The following JPH4 variants were observed in gnomAD, a reference collection of about 807,000 sequenced individuals.
JPH4 encodes junctophilin 4, also known as junctophilin-4.
A neutral mutation model predicts 57.6 loss-of-function variants in JPH4; 18 were observed. The ratio of observed to expected loss-of-function variants is 0.31; its 90% CI spans 0.22 to 0.46. The LOEUF is 0.46. JPH4 is among the 20% of genes least tolerant of loss of function. JPH4 has a pLI of 1.00. For missense variants in JPH4, 727 were observed against 911.1 expected (o/e 0.80, Z 2.60); for synonymous variants, 425 against 406.6 (o/e 1.05, Z -0.54).
At position 23,568,047 on chromosome 14, in the gene JPH4, CT is replaced by C; in HGVS notation, c.*1586del. On this transcript the variant is annotated 3_prime_UTR_variant, in exon 6 of 6. Coordinates refer to ENST00000356300, the MANE Select transcript of JPH4 (RefSeq NM_001146028.2). ...ATGACAATCCCCCCCCTTTTTTGAA[CT>C]TTTTTATTAATATATTTTTTTTGTT... 1.0e-6 allele frequency: 1 copy of C among 984,316 alleles called. No individual in the cohort carries two copies. Among genetic ancestry groups the C allele is most frequent in the Non-Finnish European group, 1.2e-6 (1 of 828,674 alleles). 61.0% of individuals were successfully genotyped at this position (984,316 alleles called of 1,614,324 possible). A position where few individuals can be genotyped will look rare whatever the true frequency, so the allele number is the denominator to read the frequency against.
In JPH4 at chr14:23,568,509, T is replaced by C; in HGVS notation, c.*1125A>G. On this transcript the variant is annotated 3_prime_UTR_variant, in exon 6 of 6. Transcript: ENST00000356300. ...GGGAAGCATGTGAGATCAGCTATCT[T>C]TGATCCCCTCCTTCTGTTGTTTTCC... 1.0e-6 allele frequency: 1 copy of C among 985,768 alleles called. No individual in the cohort carries two copies. Among genetic ancestry groups the C allele is most frequent in the South Asian group, 4.7e-5 (1 of 21,288 alleles). 61.1% of individuals were successfully genotyped at this position (985,768 alleles called of 1,614,324 possible). A position where few individuals can be genotyped will look rare whatever the true frequency, so the allele number is the denominator to read the frequency against.
At chr14:23,570,011 T>TGGC (rs1441132096) in intron 5 of JPH4, among the ~76,000 whole-genome samples, 1 of 151,932 alleles carries the variant, frequency 6.6e-6, no homozygotes, top group Non-Finnish European at 1.5e-5. Context: ...TAGCAGACAT[T>TGGC]GGCAGCAGCA....
In JPH4 at chr14:23,568,931, G is replaced by A; in HGVS notation, c.*703C>T. ...CATGGCATGCCACCAGAGGGGGCTG[G>A]AGGAGGGGCTGGCCGATGAGGAGAA... On this transcript the variant is annotated 3_prime_UTR_variant, in exon 6 of 6. Transcript: ENST00000356300. The A allele has an allele frequency of 2.6e-6, 1 of 379,476 alleles. No homozygotes were observed. The highest frequency in any genetic ancestry group is 3.6e-6 in the Non-Finnish European group (1 of 275,968). 23.5% of individuals were successfully genotyped at this position (379,476 alleles called of 1,614,324 possible).
rs1889300935 is a variant in JPH4 at position 23,577,363 on chromosome 14, T to A, written c.91A>T (p.Thr31Ser). The A allele has an allele frequency of 2.0e-6, 3 of 1,520,186 alleles. No homozygotes were observed. In the South Asian group the frequency reaches 3.7e-5, roughly 19 times the overall value. 94.2% of individuals were successfully genotyped at this position (1,520,186 alleles called of 1,614,324 possible). Residue 31 changes from threonine (T) to serine (S), a missense_variant, in exon 2 of 6, where the codon ACG (threonine) becomes TCG (serine). Thr to Ser is a moderately conservative substitution (Grantham distance 58, BLOSUM62 1). Coordinates refer to ENST00000356300, the MANE Select transcript of JPH4 (RefSeq NM_001146028.2). The surrounding 1 kb of genome is among the most constrained non-coding windows in gnomAD (Gnocchi z 8.4). Reference sequence around the variant, plus strand: ...TACTCGCCCTGGGCGCCGGGGCCCGTGCACACGCCGTAGCCATGTGCCCGC... The same window carrying A: ...TACTCGCCCTGGGCGCCGGGGCCCGAGCACACGCCGTAGCCATGTGCCCGC... ...AGRAHGYGVC[T>S]GPGAQGEYSG...
Position 23,568,456 on chromosome 14 carries a change from G to A in JPH4, c.*1178C>T, listed in dbSNP as rs527701110. ...AGGGCTCTCCACCCACCTGTCACCC[G>A]GGTTTGACTCCCACCTCTGCCCTGC... On this transcript the variant is annotated 3_prime_UTR_variant, in exon 6 of 6. Transcript: ENST00000356300. 1.5e-5 allele frequency: 15 copies of A among 985,736 alleles called. No individual in the cohort carries two copies. In the South Asian group the frequency reaches 2.3e-4, roughly 15 times the overall value. The allele number at this position is 985,736 out of a possible 1,614,324, so 61.1% of individuals were successfully genotyped here.
Position 23,571,233 on chromosome 14 carries a change from C to T in JPH4, c.1498G>A (p.Gly500Arg), listed in dbSNP as rs761980231. ...SSPKAWPEEW[G>R]GAGAQAEELA... is the part of the protein sequence containing the mutation. ...TCCTCTGCCTGTGCGCCTGCCCCCC[C>T]CCACTCCTCAGGCCAAGCTTTGGGG... Residue 500 changes from glycine to arginine, a missense_variant, in exon 5 of 6, where the codon GGG becomes AGG. Physicochemically the swap from Gly to Arg is moderately radical, Grantham distance 125. This residue lies in a region of JPH4 where 293 missense variants were observed against 279.8 expected (regional missense o/e 1.05). Transcript: ENST00000356300. This position sits in a 1 kb window ranked among gnomAD's most constrained non-coding sequence, Gnocchi z 4.6. 27 of 1,612,102 alleles carry T rather than the reference C, an allele frequency of 1.7e-5. No homozygotes were observed. Among genetic ancestry groups the T allele is most frequent in the East Asian group, 2.2e-5 (1 of 44,874 alleles).
chr14:23,573,975 C>A (rs1889212513), intron 3 of JPH4, among the ~76,000 whole-genome samples: 1 of 151,988 alleles, frequency 6.6e-6, no homozygotes, highest in South Asian at 2.1e-4. Flanking sequence ...CACACGCACT[C>A]TCACTGTGTC....
chr14:23,577,753 T>G lies in JPH4; in HGVS notation c.-171-129A>C. The G allele has an allele frequency of 3.5e-6, 1 of 287,014 alleles. No individual in the cohort carries two copies. Among genetic ancestry groups the G allele is most frequent in the Non-Finnish European group, 6.5e-6 (1 of 154,232 alleles). The allele number at this position is 287,014 out of a possible 1,614,324, so 17.8% of individuals were successfully genotyped here. A position where few individuals can be genotyped will look rare whatever the true frequency, so the allele number is the denominator to read the frequency against. On this transcript the variant is annotated intron_variant, in intron 1 of 5. Transcript: ENST00000356300. The surrounding 1 kb of genome is among the most constrained non-coding windows in gnomAD (Gnocchi z 8.4). ...CCACCCCCCTCCTTTGGCAGCATCTTCCAGCAGCCCCCAAGCTTTGGGGGA... is the reference window on the plus strand; with the variant it reads ...CCACCCCCCTCCTTTGGCAGCATCTGCCAGCAGCCCCCAAGCTTTGGGGGA...
Position 23,575,913 on chromosome 14 carries a change from T to C in JPH4, c.923A>G (p.Glu308Gly). Residue 308 changes from glutamate to glycine, a missense_variant, in exon 3 of 6, where the codon GAG (glutamate) becomes GGG (glycine). Around this residue, in one of 7 missense-constraint regions of JPH4, gnomAD observed 112 missense variants for 199.4 expected, o/e 0.56. Coordinates refer to ENST00000356300, the MANE Select transcript of JPH4 (RefSeq NM_001146028.2). This position sits in a 1 kb window ranked among gnomAD's most constrained non-coding sequence, Gnocchi z 6.9. ...GCCGTGCCGCCGGTTGCCCAGCCAC[T>C]CGCCCTCGTAGCGCAGCCCGTTGGA... ...QRSNGLRYEG[E>G]WLGNRRHGYG... The C allele has an allele frequency of 6.4e-7, 1 of 1,571,792 alleles. No homozygotes were observed. Among genetic ancestry groups the C allele is most frequent in the East Asian group, 2.3e-5 (1 of 44,122 alleles).
In JPH4 at chr14:23,576,146, C is replaced by T. The variant is rs1293082208; in HGVS notation, c.690G>A (p.Ala230=). 2 of 1,309,692 alleles carry T rather than the reference C, an allele frequency of 1.5e-6. No individual in the cohort carries two copies. The highest frequency in any genetic ancestry group is 1.9e-6 in the Non-Finnish European group (2 of 1,028,756). 81.1% of individuals were successfully genotyped at this position (1,309,692 alleles called of 1,614,324 possible). A position where few individuals can be genotyped will look rare whatever the true frequency, so the allele number is the denominator to read the frequency against. ...TGCCCAGGGAGCTGCGACGTCCGCC[C>T]GCTCGGAGCCCGCTGAGCAGCAGCG... ...RRSLLLSGLR[A]GGRRSSLGSK... The change falls in exon 3 of 6, where the codon GCG becomes GCA. Residue 230 remains alanine (A), a synonymous_variant. Coordinates refer to ENST00000356300, the MANE Select transcript of JPH4 (RefSeq NM_001146028.2). The surrounding 1 kb of genome is among the most constrained non-coding windows in gnomAD (Gnocchi z 8.0).
Position 23,577,175 on chromosome 14 carries a change from C to A in JPH4, c.279G>T (p.Gly93=). 4 of 1,536,212 alleles carry A rather than the reference C, an allele frequency of 2.6e-6. No homozygotes were observed. The highest frequency in any genetic ancestry group is 3.5e-6 in the Non-Finnish European group (4 of 1,146,528). The change falls in exon 2 of 6, where the codon GGG becomes GGT. Residue 93 remains glycine (G), a synonymous_variant. Coordinates refer to ENST00000356300, the MANE Select transcript of JPH4 (RefSeq NM_001146028.2). This position sits in a 1 kb window ranked among gnomAD's most constrained non-coding sequence, Gnocchi z 8.4. The stretch of plus-strand genomic sequence containing the variant: ...ACACGCTTTCCCACACGCCGCTGCG[C>A]CCCTTCAGCCCGCCCAGCCACTCGC... ...YRGEWLGGLK[G]RSGVWESVSG...
chr14:23,577,523 GC>G lies in JPH4; in HGVS notation c.-71del. 7.7e-7 allele frequency: 1 copy of G among 1,305,836 alleles called. No individual in the cohort carries two copies. Among genetic ancestry groups the G allele is most frequent in the Non-Finnish European group, 9.8e-7 (1 of 1,016,604 alleles). 80.9% of individuals were successfully genotyped at this position (1,305,836 alleles called of 1,614,324 possible). ...CCTGGGACTGGAGAGCCTGCTGGGGGCCTTGGAGCCGGGCGAGGCCTCGGGG... is the reference window on the plus strand; with the variant it reads ...CCTGGGACTGGAGAGCCTGCTGGGGGCTTGGAGCCGGGCGAGGCCTCGGGG... On this transcript the variant is annotated 5_prime_UTR_variant, in exon 2 of 6. The change abolishes the stop of an existing upstream ORF in the 5' untranslated region. Transcript: ENST00000356300. This position sits in a 1 kb window ranked among gnomAD's most constrained non-coding sequence, Gnocchi z 8.4.
intron 3 of JPH4, among the ~76,000 whole-genome samples, chr14:23,572,567 AC>A (rs1566678907): frequency 6.6e-6 from 1 of 150,406 alleles, no homozygotes; most frequent in Non-Finnish European, 1.5e-5. Flanking sequence ...TCCTACCTCT[AC>A]CCGTACAGAT....
At chr14:23,572,867 T>A (rs1464745628) in intron 3 of JPH4, 3 of 702,206 alleles carry the variant, frequency 4.3e-6, no homozygotes, top group Non-Finnish European at 7.8e-6. Flanking sequence ...AGCCTGGGAG[T>A]CTGATCAGTC....
rs1192347684 is a variant in JPH4 at position 23,568,062 on chromosome 14, AT to A, written c.*1571del. ...CTTTTTTGAACTTTTTTATTAATAT[AT>A]TTTTTTTGTTAAATTTCTTTGTATT... On this transcript the variant is annotated 3_prime_UTR_variant, in exon 6 of 6. Coordinates refer to ENST00000356300, the MANE Select transcript of JPH4 (RefSeq NM_001146028.2). 8.2e-5 allele frequency: 81 copies of A among 982,796 alleles called. No homozygotes were observed. Among genetic ancestry groups the A allele is most frequent in the Non-Finnish European group, 9.7e-5 (80 of 827,580 alleles). 60.9% of individuals were successfully genotyped at this position (982,796 alleles called of 1,614,324 possible).
At position 23,569,457 on chromosome 14, in the gene JPH4, T is replaced by C; in HGVS notation, c.*177A>G. On this transcript the variant is annotated 3_prime_UTR_variant, in exon 6 of 6. Coordinates refer to ENST00000356300, the MANE Select transcript of JPH4 (RefSeq NM_001146028.2). The surrounding 1 kb of genome is among the most constrained non-coding windows in gnomAD (Gnocchi z 4.8). ...CAGATCCAGAAGAAATGAGATAATC[T>C]GAAAGAAGACAGGGAAAGAAAAAGC... 1 of 618,600 alleles carries C rather than the reference T, an allele frequency of 1.6e-6. No homozygotes were observed. The highest frequency in any genetic ancestry group is 2.8e-5 in the East Asian group (1 of 35,558). 38.3% of individuals were successfully genotyped at this position (618,600 alleles called of 1,614,324 possible). A position where few individuals can be genotyped will look rare whatever the true frequency, so the allele number is the denominator to read the frequency against.
At position 23,571,231 on chromosome 14, in the gene JPH4, C is replaced by A. The variant is rs571799366; in HGVS notation, c.1500G>T (p.Gly500=). The change falls in exon 5 of 6, where the codon GGG becomes GGT. Residue 500 remains glycine (G), a synonymous_variant. Coordinates refer to ENST00000356300, the MANE Select transcript of JPH4 (RefSeq NM_001146028.2). The surrounding 1 kb of genome is among the most constrained non-coding windows in gnomAD (Gnocchi z 4.6). ...GTTCCTCTGCCTGTGCGCCTGCCCC[C>A]CCCCACTCCTCAGGCCAAGCTTTGG... The part of the protein sequence containing the change: ...SSPKAWPEEW[G]GAGAQAEELA... 9.9e-6 allele frequency: 16 copies of A among 1,612,092 alleles called. No individual in the cohort carries two copies. Among genetic ancestry groups the A allele is most frequent in the African/African-American group, 6.7e-5 (5 of 75,022 alleles).
Position 23,576,141 on chromosome 14 carries a change from C to T in JPH4, c.695G>A (p.Gly232Glu). The T allele has an allele frequency of 7.6e-7, 1 of 1,310,556 alleles. No homozygotes were observed. The highest frequency in any genetic ancestry group is 9.7e-7 in the Non-Finnish European group (1 of 1,029,070). The allele number at this position is 1,310,556 out of a possible 1,614,324, so 81.2% of individuals were successfully genotyped here. ...CTTGCTGCCCAGGGAGCTGCGACGT[C>T]CGCCCGCTCGGAGCCCGCTGAGCAG... is the stretch of plus-strand genomic sequence containing the variant. ...SLLLSGLRAG[G>E]RRSSLGSKRG... The change falls in exon 3 of 6, where the codon GGA (glycine) becomes GAA (glutamate). Residue 232 changes from glycine (G) to glutamate (E), a missense_variant. Around this residue, in one of 7 missense-constraint regions of JPH4, gnomAD observed 131 missense variants for 156.5 expected, o/e 0.84. Transcript: ENST00000356300. The surrounding 1 kb of genome is among the most constrained non-coding windows in gnomAD (Gnocchi z 8.0).
In JPH4 at chr14:23,572,939, C is replaced by G. The variant is rs532406825; in HGVS notation, c.1152-1019G>C. 3.2e-4 allele frequency: 225 copies of G among 702,602 alleles called. No individual in the cohort carries two copies. In the African/African-American group the frequency reaches 3.6e-3, roughly 11 times the overall value. 43.5% of individuals were successfully genotyped at this position (702,602 alleles called of 1,614,324 possible). A position where few individuals can be genotyped will look rare whatever the true frequency, so the allele number is the denominator to read the frequency against. ...TCAGATGCTTCCTCAGTTTTCTCTT[C>G]CCTTTCACCCTCTGCTGTTAATCGT... On this transcript the variant is annotated intron_variant, in intron 3 of 5. Coordinates refer to ENST00000356300, the MANE Select transcript of JPH4 (RefSeq NM_001146028.2).
Sources: allele counts gnomAD v4.1 joint callset (sites outside exome capture counted in the v4.1 genomes callset), GRCh38; gene constraint gnomAD v4.1.1; regional missense constraint gnomAD v4.1.1; non-coding constraint Gnocchi (gnomAD v3.1); transcripts MANE v1.5; gene names NCBI Gene and HGNC (gene_info 2026-07-23, HGNC 2026-07-21).